The following PAG1 variants were observed in gnomAD, a reference collection of about 807,000 sequenced individuals.
The protein encoded by PAG1 is phosphoprotein associated with glycosphingolipid-enriched microdomains 1.
In PAG1, 23 loss-of-function variants were observed where a neutral mutation model predicts 31.7. That is an observed-to-expected ratio of 0.73 (90% CI 0.52 to 1.03). The LOEUF (loss-of-function observed/expected upper bound fraction) is 1.03. Ranked by LOEUF, PAG1 falls within the 50% of genes least tolerant of loss-of-function variation. PAG1 has a pLI of 0.00. For synonymous variants in PAG1, 214 were observed against 210.3 expected (o/e 1.02, Z -0.15); for missense variants, 473 against 540.7 (o/e 0.87, Z 1.24).
At chr8:81,056,005 G>A (rs1352209699) in intron 2 of PAG1, among the ~76,000 whole-genome samples, 1 of 152,144 alleles carries the variant, frequency 6.6e-6, no homozygotes, top group East Asian at 1.9e-4. Context: ...TTGAATAGGA[G>A]TGGTGAGAGA....
intron 1 of PAG1, among the ~76,000 whole-genome samples, chr8:81,107,730 T>C (rs1290847316): frequency 6.6e-6 from 1 of 152,236 alleles, no homozygotes; most frequent in Non-Finnish European, 1.5e-5. Context: ...TCATATAAAT[T>C]ATGTACAGAG....
At chr8:81,026,436 T>C (rs1808279197) in intron 3 of PAG1, among the ~76,000 whole-genome samples, 2 of 149,230 alleles carry the variant, frequency 1.3e-5, no homozygotes, top group Admixed American at 6.7e-5. Context: ...TTTTCTTTCA[T>C]ACTAGATGGT....
At chr8:81,054,418 T>A (rs1249161285) in intron 2 of PAG1, among the ~76,000 whole-genome samples, 1 of 152,170 alleles carries the variant, frequency 6.6e-6, no homozygotes, top group Non-Finnish European at 1.5e-5. Context: ...TATTTTCCTG[T>A]AATCCCAGCA....
chr8:81,007,260 TTTAAG>T (rs751152346), intron 3 of PAG1, among the ~76,000 whole-genome samples: 2 of 152,048 alleles, frequency 1.3e-5, no homozygotes, highest in Admixed American at 6.5e-5. Flanking sequence ...GTTATTTGAT[TTTAAG>T]TTAATTTATC....
intron 2 of PAG1, among the ~76,000 whole-genome samples, chr8:81,066,288 T>C (rs1809005954): frequency 6.6e-6 from 1 of 152,236 alleles, no homozygotes; most frequent in Non-Finnish European, 1.5e-5. Flanking sequence ...CTTAACGATA[T>C]GCTGAAATGT....
chr8:80,988,793 T>C (rs573520077), intron 5 of PAG1, among the ~76,000 whole-genome samples: 39 of 152,312 alleles, frequency 2.6e-4, no homozygotes, highest in African/African-American at 8.9e-4. Context: ...TTAGGACATT[T>C]GGAGGGAAGA....
chr8:81,063,410 G>A (rs1355955777), intron 2 of PAG1, among the ~76,000 whole-genome samples: 1 of 152,188 alleles, frequency 6.6e-6, no homozygotes, highest in East Asian at 1.9e-4. Context: ...GACTGAACAG[G>A]AGAGGCCTCA....
Position 80,969,441 on chromosome 8 carries a change from C to G in PAG1, c.*7103G>C, listed in dbSNP as rs1390867049. ...AAGCCTTCACTACCTAAATGAGGAG[C>G]TAAAGATTAAAAAAAAAATTCTCTT... On this transcript the variant is annotated 3_prime_UTR_variant, in exon 9 of 9. Coordinates refer to ENST00000220597, the MANE Select transcript of PAG1 (RefSeq NM_018440.4). 6.6e-6 allele frequency: 1 copy of G among 151,852 alleles called. No homozygotes were observed. The highest frequency in any genetic ancestry group is 6.6e-5 in the Admixed American group (1 of 15,246). The allele number at this position is 151,852 out of a possible 1,614,324, so 9.4% of individuals were successfully genotyped here. A position where few individuals can be genotyped will look rare whatever the true frequency, so the allele number is the denominator to read the frequency against.
At position 81,030,008 on chromosome 8, in the gene PAG1, G is replaced by A. The variant is rs1273149720; in HGVS notation, c.-93C>T. The A allele has an allele frequency of 6.6e-6, 1 of 152,248 alleles. No homozygotes were observed. The allele number at this position is 152,248 out of a possible 1,614,324, so 9.4% of individuals were successfully genotyped here. The stretch of plus-strand genomic sequence containing the variant: ...TGGTAATATTTACCTTGGAGGAAAT[G>A]TTTGTCCAGTAGAGTATTCCAAGTT... On this transcript the variant is annotated 5_prime_UTR_variant, in exon 3 of 9. Transcript: ENST00000220597.
chr8:81,056,891 C>T lies in PAG1; in HGVS notation c.-175+13221G>A, dbSNP rs561225422. Among the ~76,000 whole-genome samples, 4 of 152,204 alleles carry T rather than the reference C, an allele frequency of 2.6e-5. No individual in the cohort carries two copies. The East Asian group carries it at 7.7e-4, about 29-fold the overall frequency. On this transcript the variant is annotated intron_variant, in intron 2 of 8. Coordinates refer to ENST00000220597, the MANE Select transcript of PAG1 (RefSeq NM_018440.4). Reference sequence around the variant, plus strand: ...TTTACAAGAAAAAAACAAACAACCCCATCAAAAAGTGGGCAAAGGATATGA... The same window carrying T: ...TTTACAAGAAAAAAACAAACAACCCTATCAAAAAGTGGGCAAAGGATATGA...
chr8:81,102,885 T>G (rs1809631080), intron 1 of PAG1, among the ~76,000 whole-genome samples: 1 of 152,188 alleles, frequency 6.6e-6, no homozygotes, highest in Admixed American at 6.5e-5. Context: ...TCTGGAGAAT[T>G]CAAAAATATT....
At position 80,976,875 on chromosome 8, in the gene PAG1, G is replaced by T; in HGVS notation, c.968C>A (p.Pro323His). 1.2e-6 allele frequency: 2 copies of T among 1,613,352 alleles called. No homozygotes were observed. The highest frequency in any genetic ancestry group is 1.7e-6 in the Non-Finnish European group (2 of 1,179,502). ...CCCCGATTTATTCACTAACTGTCCA[G>T]GTTTATTTACTGATGAGTACATAGC... ...ISAMYSSVNK[P>H]GQLVNKSGQS... Residue 323 changes from proline (P) to histidine (H), a missense_variant, in exon 9 of 9, where the codon CCT (proline) becomes CAT (histidine). Coordinates refer to ENST00000220597, the MANE Select transcript of PAG1 (RefSeq NM_018440.4).
At chr8:80,980,220 G>A (rs1807270554) in intron 8 of PAG1, among the ~76,000 whole-genome samples, 1 of 151,964 alleles carries the variant, frequency 6.6e-6, no homozygotes, top group South Asian at 2.1e-4. Flanking sequence ...TTCTTTTCCT[G>A]AGCTGACTAC....
At chr8:81,108,124 G>A (rs1027258018) in intron 1 of PAG1, among the ~76,000 whole-genome samples, 2 of 152,222 alleles carry the variant, frequency 1.3e-5, no homozygotes, top group African/African-American at 4.8e-5. Context: ...ACAACTATAT[G>A]TATATTCTGA....
intron 3 of PAG1, among the ~76,000 whole-genome samples, chr8:81,014,495 A>G (rs1432530693): frequency 1.3e-5 from 2 of 152,244 alleles, no homozygotes; most frequent in African/African-American, 2.4e-5. Flanking sequence ...TTGAAAGCCA[A>G]AGCAACACCA....
chr8:81,062,862 A>G (rs1011538478), intron 2 of PAG1, among the ~76,000 whole-genome samples: 7 of 152,152 alleles, frequency 4.6e-5, no homozygotes, highest in Admixed American at 1.3e-4. Flanking sequence ...GCACATTAGC[A>G]CCATAATTAA....
chr8:81,105,852 C>G (rs548904611), intron 1 of PAG1, among the ~76,000 whole-genome samples: 2 of 152,132 alleles, frequency 1.3e-5, no homozygotes, highest in Non-Finnish European at 2.9e-5. Context: ...ATATGCAACC[C>G]TGGGGCTCTC....
Position 81,059,825 on chromosome 8 carries a change from G to A in PAG1, c.-175+10287C>T, listed in dbSNP as rs1265864826. 3.3e-5 allele frequency among the ~76,000 whole-genome samples: 5 copies of A among 152,034 alleles called. No individual in the cohort carries two copies. The East Asian group carries it at 5.8e-4, about 18-fold the overall frequency. ...AAGGTCAGTAGTTCGAGACCAGCCT[G>A]GCCAACATGGTGAAACCCCATCTCT... is the stretch of plus-strand genomic sequence containing the variant. On this transcript the variant is annotated intron_variant, in intron 2 of 8. Coordinates refer to ENST00000220597, the MANE Select transcript of PAG1 (RefSeq NM_018440.4).
intron 4 of PAG1, among the ~76,000 whole-genome samples, chr8:80,992,258 G>C (rs79010033): frequency 0.02 from 3,054 of 152,344 alleles, 93 homozygotes; most frequent in African/African-American, 0.068. Flanking sequence ...GCTGGGCAGG[G>C]ATTAGGAGGC....
Sources: allele counts gnomAD v4.1 joint callset (sites outside exome capture counted in the v4.1 genomes callset), GRCh38; gene constraint gnomAD v4.1.1; transcripts MANE v1.5; gene names NCBI Gene and HGNC (gene_info 2026-07-23, HGNC 2026-07-21).